The following CHD2 variants were observed in gnomAD, a reference collection of about 807,000 sequenced individuals.
CHD2 encodes ATP-dependent chromatin remodeler CHD2.
A neutral mutation model predicts 243.9 loss-of-function variants in CHD2; 28 were observed. The observed-to-expected ratio is 0.11, with a 90% CI of 0.09 to 0.16. CHD2 has a LOEUF of 0.16. Among genes scored for constraint, CHD2 ranks in the 10% least tolerant of loss-of-function variants. CHD2 has a pLI of 1.00. For missense variants in CHD2, 1,386 were observed against 2,209.8 expected, an observed-to-expected ratio of 0.63 and a Z score of 7.47; for synonymous variants, 775 against 779.0, an observed-to-expected ratio of 0.99 and a Z score of 0.09.
chr15:92,983,107 T>C (rs987777635), intron 24 of CHD2, among the ~76,000 whole-genome samples: 1 of 152,168 alleles, frequency 6.6e-6, no homozygotes. Flanking sequence ...GTAATCCTAT[T>C]ATGAGGGCTC....
intron 17 of CHD2, among the ~76,000 whole-genome samples, chr15:92,970,811 T>C (rs1279616501): frequency 6.6e-6 from 1 of 152,154 alleles, no homozygotes; most frequent in Non-Finnish European, 1.5e-5. Context: ...TATAAATAGT[T>C]CTGGAGTGAA....
At chr15:92,941,625 C>T (rs1441073002) in intron 7 of CHD2, among the ~76,000 whole-genome samples, 197 bp from the exon 8 acceptor site, 3 of 152,064 alleles carry the variant, frequency 2.0e-5, no homozygotes, top group Admixed American at 6.5e-5. Flanking sequence ...GTTAGACTCC[C>T]TACAGTTGTT....
At chr15:92,938,266 A>G (rs1423151333) in intron 6 of CHD2, among the ~76,000 whole-genome samples, 1 of 152,264 alleles carries the variant, frequency 6.6e-6, no homozygotes, top group East Asian at 1.9e-4. Flanking sequence ...AGAGAGCACT[A>G]AATTTGAACT....
In CHD2 at chr15:92,974,957, T is replaced by C. The variant is rs146944583; in HGVS notation, c.2577+7T>C. ...CAATGCAGATGGGTCTGAGGTATAC[T>C]ATGCATGGCTTTGTTATTTGAGCAA... On this transcript the variant is annotated splice_region_variant and intron_variant, in intron 20 of 38. Transcript: ENST00000394196. 8,009 of 1,612,200 alleles carry C rather than the reference T, an allele frequency of 5.0e-3. 31 individuals carry two copies. The highest frequency in any genetic ancestry group is 6.1e-3 in the Non-Finnish European group (7,135 of 1,178,566).
chr15:93,023,628 T>C (rs923182591), intron 38 of CHD2, among the ~76,000 whole-genome samples: 1 of 152,088 alleles, frequency 6.6e-6, no homozygotes, highest in Non-Finnish European at 1.5e-5. Flanking sequence ...TGTGTAAGAG[T>C]TGAAGGTTTT....
At chr15:92,909,736 C>T (rs558674902) in intron 2 of CHD2, among the ~76,000 whole-genome samples, 10 of 152,092 alleles carry the variant, frequency 6.6e-5, no homozygotes, top group Admixed American at 5.9e-4. Context: ...GACCATGTTG[C>T]CCAGGCTGGT....
intron 20 of CHD2, among the ~76,000 whole-genome samples, chr15:92,976,898 CAAA>C (rs749191067): frequency 8.0e-6 from 1 of 124,538 alleles, no homozygotes; most frequent in Non-Finnish European, 1.7e-5. Flanking sequence ...GACCCTGTCT[CAAA>C]AAAAAAAAAA....
chr15:92,982,327 T>C (rs1167853706), intron 24 of CHD2, among the ~76,000 whole-genome samples: 1 of 152,064 alleles, frequency 6.6e-6, no homozygotes, highest in African/African-American at 2.4e-5. Flanking sequence ...GCTTGAGAAG[T>C]GGAAAAGATT....
At chr15:92,901,857 T>C (rs1273628651) in intron 2 of CHD2, 1 of 274,616 alleles carries the variant, frequency 3.6e-6, no homozygotes, top group Admixed American at 5.2e-5. Flanking sequence ...TATATTTTTA[T>C]GTGACTTTAT....
chr15:93,003,668 C>A, intron 33 of CHD2, among the ~76,000 whole-genome samples: 1 of 151,526 alleles, frequency 6.6e-6, no homozygotes. Flanking sequence ...TGAAGCTGCC[C>A]CCTGTTCCCT....
intron 34 of CHD2, among the ~76,000 whole-genome samples, chr15:93,007,635 C>T (rs1036939896): frequency 6.6e-6 from 1 of 152,112 alleles, no homozygotes; most frequent in Non-Finnish European, 1.5e-5. Context: ...GTGCCAGATA[C>T]TCAGTGGCTG....
At position 93,020,183 on chromosome 15, in the gene CHD2, A is replaced by G. The variant is rs764702103; in HGVS notation, c.5078A>G (p.Asn1693Ser). 78 of 1,614,018 alleles carry G rather than the reference A, an allele frequency of 4.8e-5. 1 individual carries two copies. In the South Asian group the frequency reaches 7.6e-4, roughly 16 times the overall value. ...CGTTCCGGAAGCTATCGACCCAACA[A>G]CATGTCCAGAAAGAGGCCTTATGAC... ...AHRSGSYRPN[N>S]MSRKRPYDQY... Residue 1693 changes from asparagine to serine, a missense_variant, in exon 38 of 39, where the codon AAC becomes AGC. Transcript: ENST00000394196.
intron 34 of CHD2, among the ~76,000 whole-genome samples, chr15:93,006,943 C>T (rs984127767): frequency 6.6e-6 from 1 of 152,142 alleles, no homozygotes; most frequent in African/African-American, 2.4e-5. Context: ...AATTTTTTCC[C>T]GTATTGGTGG....
chr15:92,931,534 C>T (rs1596385176), intron 5 of CHD2, among the ~76,000 whole-genome samples: 1 of 152,032 alleles, frequency 6.6e-6, no homozygotes, highest in East Asian at 1.9e-4. Context: ...CGTGCACCAC[C>T]ATGCCTGATT....
At chr15:92,959,997 C>A (rs2053664562) in intron 16 of CHD2, among the ~76,000 whole-genome samples, 1 of 152,148 alleles carries the variant, frequency 6.6e-6, no homozygotes, top group South Asian at 2.1e-4. Flanking sequence ...GTCTTCTAAT[C>A]CATAATCATG....
chr15:92,959,735 A>G (rs2053661022), intron 16 of CHD2, among the ~76,000 whole-genome samples: 1 of 152,104 alleles, frequency 6.6e-6, no homozygotes, highest in African/African-American at 2.4e-5. Flanking sequence ...CAAGTGATCC[A>G]CCGTCCTTGG....
At chr15:93,012,519 TC>T in intron 36 of CHD2, 75 bp downstream of exon 36, 1 of 1,046,948 alleles carries the variant, frequency 9.6e-7, no homozygotes, top group Non-Finnish European at 1.4e-6. Flanking sequence ...TTTTTGTTTT[TC>T]CATGGGGAGA....
At chr15:92,914,641 C>A (rs2052800508) in intron 2 of CHD2, among the ~76,000 whole-genome samples, 1 of 152,096 alleles carries the variant, frequency 6.6e-6, no homozygotes, top group South Asian at 2.1e-4. Context: ...TGGAATTTAG[C>A]CTTTTTATCC....
chr15:92,924,496 C>G lies in CHD2; in HGVS notation c.238C>G (p.Pro80Ala). ...AGGTTCCAAATCCCAGCCAGTCCTC[C>G]CAGAAGCCAAAGAGAAGCCAGCCTC... ...SAGSKSQPVL[P>A]EAKEKPASKK... Residue 80 changes from proline (P) to alanine (A), a missense_variant, in exon 3 of 39, where the codon CCA (proline) becomes GCA (alanine). Around this residue, in one of 19 missense-constraint regions of CHD2, gnomAD observed 89 missense variants for 102.4 expected, o/e 0.87. Transcript: ENST00000394196. 6.2e-7 allele frequency: 1 copy of G among 1,614,050 alleles called. No individual in the cohort carries two copies. Among genetic ancestry groups the G allele is most frequent in the Non-Finnish European group, 8.5e-7 (1 of 1,179,994 alleles).
Sources: allele counts gnomAD v4.1 joint callset (sites outside exome capture counted in the v4.1 genomes callset), GRCh38; gene constraint gnomAD v4.1.1; regional missense constraint gnomAD v4.1.1; transcripts MANE v1.5; gene names NCBI Gene and HGNC (gene_info 2026-07-23, HGNC 2026-07-21).